Variants in LOC128462377 observed in about 807,000 individuals in gnomAD.
chr16:89,320,745 A>T, the LOC128462377 span, among the ~76,000 whole-genome samples: 1 of 152,072 alleles, frequency 6.6e-6, no homozygotes, highest in Non-Finnish European at 1.5e-5. Flanking sequence ...ATAAGACACA[A>T]CTCAGCCCAG....
chr16:89,349,154 A>AAGAAAAAAG, the LOC128462377 span, among the ~76,000 whole-genome samples: 98 of 146,726 alleles, frequency 6.7e-4, 1 homozygote, highest in Non-Finnish European at 1.2e-3. Context: ...AAAAAAAAAA[A>AAGAAAAAAG]AAAAAAAGAA....
chr16:89,340,567 G>A, the LOC128462377 span, among the ~76,000 whole-genome samples: 12 of 152,230 alleles, frequency 7.9e-5, no homozygotes, highest in African/African-American at 1.9e-4. Context: ...GAGCCACAGC[G>A]CCCAGTCCTG....
At chr16:89,332,970 A>G in the LOC128462377 span, among the ~76,000 whole-genome samples, 1,196 of 152,362 alleles carry the variant, frequency 7.8e-3, 61 homozygotes, top group Admixed American at 0.068. Flanking sequence ...GGGCTGCTCC[A>G]CGCTTCTCAG....
chr16:89,325,964 A>T, the LOC128462377 span, among the ~76,000 whole-genome samples: 1 of 152,218 alleles, frequency 6.6e-6, no homozygotes, highest in African/African-American at 2.4e-5. Flanking sequence ...AGGCCTAGCC[A>T]TGCCCAATAC....
chr16:89,326,913 G>A, the LOC128462377 span, among the ~76,000 whole-genome samples: 2 of 152,220 alleles, frequency 1.3e-5, no homozygotes, highest in Admixed American at 1.3e-4. Flanking sequence ...CAGGACTAAG[G>A]AGGTTCCACA....
the LOC128462377 span, among the ~76,000 whole-genome samples, chr16:89,394,418 C>T: frequency 1.3e-5 from 2 of 152,300 alleles, no homozygotes; most frequent in South Asian, 4.1e-4. Flanking sequence ...CACCTGAGGT[C>T]GGGAGTTCAA....
At chr16:89,388,366 G>A in the LOC128462377 span, among the ~76,000 whole-genome samples, 3 of 136,832 alleles carry the variant, frequency 2.2e-5, no homozygotes, top group African/African-American at 5.4e-5. Context: ...TCCTGACCTC[G>A]TGATCTGCCC....
At chr16:89,406,736 C>T in the LOC128462377 span, among the ~76,000 whole-genome samples, 218 of 152,304 alleles carry the variant, frequency 1.4e-3, 1 homozygote, top group African/African-American at 4.9e-3. Flanking sequence ...GCCTCCTTCA[C>T]GCTGATAAGC....
the LOC128462377 span, chr16:89,361,444 C>T: frequency 1.3e-5 from 2 of 152,304 alleles, no homozygotes; most frequent in African/African-American, 4.8e-5. Flanking sequence ...CATCATTCAA[C>T]TTTGAAACTT....
At chr16:89,405,151 G>A in the LOC128462377 span, among the ~76,000 whole-genome samples, 3 of 152,046 alleles carry the variant, frequency 2.0e-5, no homozygotes, top group East Asian at 1.9e-4. Context: ...TGGAGATCAC[G>A]CCATTGCACT....
chr16:89,341,577 C>T, the LOC128462377 span, among the ~76,000 whole-genome samples: 2 of 152,188 alleles, frequency 1.3e-5, no homozygotes, highest in African/African-American at 2.4e-5. Flanking sequence ...AAAAAAATTC[C>T]AGATTAAAGG....
chr16:89,346,598 C>T, the LOC128462377 span, among the ~76,000 whole-genome samples: 2 of 152,144 alleles, frequency 1.3e-5, no homozygotes, highest in African/African-American at 4.8e-5. Context: ...GACCAGAAAA[C>T]ACAGCCTTCA....
chr16:89,368,660 C>G, the LOC128462377 span, among the ~76,000 whole-genome samples: 1 of 148,350 alleles, frequency 6.7e-6, no homozygotes, highest in Non-Finnish European at 1.5e-5. Context: ...GTAATCCCAA[C>G]ATTTTGGGAG....
the LOC128462377 span, among the ~76,000 whole-genome samples, chr16:89,407,533 C>T: frequency 6.6e-6 from 1 of 152,158 alleles, no homozygotes; most frequent in Admixed American, 6.5e-5. Context: ...AAACAAACTC[C>T]TTCTGGGCCG....
the LOC128462377 span, among the ~76,000 whole-genome samples, chr16:89,398,001 C>T: frequency 2.6e-5 from 4 of 152,240 alleles, no homozygotes; most frequent in Non-Finnish European, 5.9e-5. Context: ...CACAAAGCGC[C>T]TGTCACCAGT....
the LOC128462377 span, among the ~76,000 whole-genome samples, chr16:89,379,025 C>T: frequency 3.9e-5 from 6 of 152,206 alleles, no homozygotes; most frequent in African/African-American, 2.4e-5. Context: ...GTAGACAAGC[C>T]GGGCTGAGGC....
At chr16:89,325,370 C>T in the LOC128462377 span, among the ~76,000 whole-genome samples, 86 of 151,918 alleles carry the variant, frequency 5.7e-4, no homozygotes, top group African/African-American at 2.0e-3. Flanking sequence ...CCCAGGAGGT[C>T]GAGGCTGCGG....
chr16:89,405,491 ATTTTTTTT>A, the LOC128462377 span, among the ~76,000 whole-genome samples: 1 of 111,474 alleles, frequency 9.0e-6, no homozygotes, highest in Non-Finnish European at 1.8e-5. Context: ...CACCTGGCTC[ATTTTTTTT>A]TTTTTTTTTT....
At chr16:89,380,296 G>T in the LOC128462377 span, among the ~76,000 whole-genome samples, 1 of 152,144 alleles carries the variant, frequency 6.6e-6, no homozygotes, top group Non-Finnish European at 1.5e-5. Flanking sequence ...ATTTTTAGTA[G>T]AGATGGGGTT....
Sources: allele counts gnomAD v4.1 joint callset (sites outside exome capture counted in the v4.1 genomes callset), GRCh38; gene constraint gnomAD v4.1.1; transcripts MANE v1.5.